Variants in ERLEC1 observed in about 807,000 individuals in gnomAD.
The protein encoded by ERLEC1 is ER lectin.
In ERLEC1, 47 loss-of-function variants were observed where a neutral mutation model predicts 68.0. The ratio of observed to expected loss-of-function variants is 0.69; its 90% CI spans 0.55 to 0.88. ERLEC1 has a LOEUF of 0.88. ERLEC1 is among the 40% of genes least tolerant of loss of function. The pLI is 0.00. For synonymous variants in ERLEC1, 225 were observed against 203.2 expected (o/e 1.11, Z -0.91); for missense variants, 567 against 583.8 (o/e 0.97, Z 0.30).
intron 3 of ERLEC1, among the ~76,000 whole-genome samples, chr2:53,796,246 G>GTT (rs200295316): frequency 5.5e-5 from 7 of 126,462 alleles, no homozygotes; most frequent in South Asian, 2.5e-4. Context: ...TGATGGGTTG[G>GTT]TTTTTTTTTT....
In ERLEC1 at chr2:53,818,577, G is replaced by T. The variant is rs1261860011; in HGVS notation, c.*608G>T. 1 of 152,214 alleles carries T rather than the reference G, an allele frequency of 6.6e-6. No homozygotes were observed. Among genetic ancestry groups the T allele is most frequent in the Non-Finnish European group, 1.5e-5 (1 of 68,018 alleles). 9.4% of individuals were successfully genotyped at this position (152,214 alleles called of 1,614,324 possible). On this transcript the variant is annotated 3_prime_UTR_variant, in exon 14 of 14. Coordinates refer to ENST00000185150, the MANE Select transcript of ERLEC1 (RefSeq NM_015701.5). Reference sequence around the variant, plus strand: ...TTTATAATAGGTTGCTTCTCTCTCAGAACTTTTATCTATTACTTTTTTCTT... The same window carrying T: ...TTTATAATAGGTTGCTTCTCTCTCATAACTTTTATCTATTACTTTTTTCTT...
chr2:53,805,671 G>C (rs960195846), intron 8 of ERLEC1, among the ~76,000 whole-genome samples: 2 of 152,156 alleles, frequency 1.3e-5, no homozygotes, highest in African/African-American at 4.8e-5. Flanking sequence ...CCCAGCAGTG[G>C]GATTGCTGGA....
chr2:53,810,120 T>G (rs1195149652), intron 10 of ERLEC1, among the ~76,000 whole-genome samples: 1 of 152,022 alleles, frequency 6.6e-6, no homozygotes, highest in Non-Finnish European at 1.5e-5. Context: ...AGATCATACA[T>G]TATCACTAGG....
At chr2:53,791,085 A>G (rs1286334241) in intron 1 of ERLEC1, among the ~76,000 whole-genome samples, 1 of 152,232 alleles carries the variant, frequency 6.6e-6, no homozygotes, top group Non-Finnish European at 1.5e-5. Flanking sequence ...GACAGGTTCT[A>G]CCAACAAGTG....
chr2:53,796,538 C>T (rs181818112), intron 3 of ERLEC1, among the ~76,000 whole-genome samples: 1 of 152,128 alleles, frequency 6.6e-6, no homozygotes, highest in Non-Finnish European at 1.5e-5. Context: ...CGATTCACTG[C>T]AGCCCCAACG....
intron 5 of ERLEC1, 139 bp from the exon 6 acceptor site, chr2:53,798,908 A>G (rs896727170): frequency 3.7e-6 from 2 of 542,760 alleles, no homozygotes; most frequent in African/African-American, 1.9e-5. Flanking sequence ...AACTAGCTTT[A>G]AAGTAGTAAG....
chr2:53,812,221 T>G (rs1676628267), intron 10 of ERLEC1, among the ~76,000 whole-genome samples: 1 of 151,354 alleles, frequency 6.6e-6, no homozygotes, highest in Non-Finnish European at 1.5e-5. Flanking sequence ...CAGCCAGGGG[T>G]TTTTAATTCT....
At chr2:53,812,865 C>CTT (rs1028312491) in intron 10 of ERLEC1, 84 bp from the exon 11 acceptor site, 8 of 1,438,438 alleles carry the variant, frequency 5.6e-6, no homozygotes, top group Non-Finnish European at 6.6e-6. Flanking sequence ...TAAAGACTAG[C>CTT]TTACAAGAAG....
intron 1 of ERLEC1, among the ~76,000 whole-genome samples, chr2:53,789,880 A>G (rs76355266): frequency 0.057 from 8,643 of 151,608 alleles, 468 homozygotes; most frequent in East Asian, 0.29. Context: ...TTAGCCGGGC[A>G]TGGTGGCACA....
chr2:53,797,924 C>T (rs758004273), intron 5 of ERLEC1, 129 bp downstream of exon 5: 25 of 803,596 alleles, frequency 3.1e-5, no homozygotes, highest in African/African-American at 1.4e-4. Flanking sequence ...AGGCTGGGCG[C>T]GGTGGCTGAC....
At chr2:53,795,883 G>T in intron 2 of ERLEC1, 50 bp from the exon 3 acceptor site, 1 of 1,240,494 alleles carries the variant, frequency 8.1e-7, no homozygotes, top group South Asian at 1.3e-5. Context: ...CAGCAAAGTT[G>T]GGTGAAATTC....
At chr2:53,814,401 T>G in intron 11 of ERLEC1, 142 bp from the exon 12 acceptor site, 1 of 517,124 alleles carries the variant, frequency 1.9e-6, no homozygotes, top group Non-Finnish European at 3.4e-6. Flanking sequence ...TAAAAATATT[T>G]TTTTAAAGAA....
chr2:53,811,931 G>T (rs1676610159), intron 10 of ERLEC1, among the ~76,000 whole-genome samples: 2 of 151,994 alleles, frequency 1.3e-5, no homozygotes, highest in Admixed American at 6.6e-5. Context: ...GTTTTGTTTT[G>T]TTTGAGACAG....
At position 53,814,953 on chromosome 2, in the gene ERLEC1, TA is replaced by T; in HGVS notation, c.1380+20del. On this transcript the variant is annotated intron_variant, in intron 13 of 13. Transcript: ENST00000185150. ...TTCTTGGGGTAAGTTAAAAAGAAAA[TA>T]ATCAAAAATTCCATTTTGAGCCATG... 7.6e-7 allele frequency: 1 copy of T among 1,321,394 alleles called. No individual in the cohort carries two copies. Among genetic ancestry groups the T allele is most frequent in the East Asian group, 2.4e-5 (1 of 41,246 alleles). 81.9% of individuals were successfully genotyped at this position (1,321,394 alleles called of 1,614,324 possible).
In ERLEC1 at chr2:53,797,593, G is replaced by T; in HGVS notation, c.426+1G>T. 3 of 1,608,936 alleles carry T rather than the reference G, an allele frequency of 1.9e-6. No homozygotes were observed. Among genetic ancestry groups the T allele is most frequent in the South Asian group, 1.1e-5 (1 of 89,400 alleles). On this transcript the variant is annotated splice_donor_variant, in intron 4 of 13. Coordinates refer to ENST00000185150, the MANE Select transcript of ERLEC1 (RefSeq NM_015701.5). LOFTEE classifies it high-confidence loss of function. The stretch of plus-strand genomic sequence containing the variant: ...CCATGAAGAGAAAGAAACTGGTCAG[G>T]TGTGTTTTTCTTCAAAATATTATTA...
At chr2:53,799,355 G>A (rs1189453797) in intron 6 of ERLEC1, among the ~76,000 whole-genome samples, 1 of 152,134 alleles carries the variant, frequency 6.6e-6, no homozygotes, top group Non-Finnish European at 1.5e-5. Context: ...TCACTTACGT[G>A]CTTAGCAGTG....
At position 53,794,401 on chromosome 2, in the gene ERLEC1, TAAAGA is replaced by T. The variant is rs748700212; in HGVS notation, c.223_227del (p.Glu75IlefsTer2). On this transcript the variant is annotated frameshift_variant, in exon 2 of 14. Coordinates refer to ENST00000185150, the MANE Select transcript of ERLEC1 (RefSeq NM_015701.5). LOFTEE classifies it high-confidence loss of function. ...ATTATGTCATCATGACAACTGCACA[TAAAGA>T]AAAATATAAATGCATACTTCCCCTT... 8 of 1,589,956 alleles carry T rather than the reference TAAAGA, an allele frequency of 5.0e-6. No homozygotes were observed. The highest frequency in any genetic ancestry group is 6.9e-6 in the Non-Finnish European group (8 of 1,166,368).
At position 53,808,461 on chromosome 2, in the gene ERLEC1, G is replaced by T; in HGVS notation, c.1041+1G>T. 6.2e-6 allele frequency: 10 copies of T among 1,613,142 alleles called. No homozygotes were observed. Among genetic ancestry groups the T allele is most frequent in the Non-Finnish European group, 8.5e-6 (10 of 1,179,920 alleles). ...TAGTGGTTCTTACTGCTTTCGTGGG[G>T]TGAGAAGTAAATCTTCAGTTTAAAT... On this transcript the variant is annotated splice_donor_variant, in intron 9 of 13. Transcript: ENST00000185150. LOFTEE classifies it high-confidence loss of function.
At chr2:53,793,732 A>G (rs1311958565) in intron 1 of ERLEC1, among the ~76,000 whole-genome samples, 1 of 152,048 alleles carries the variant, frequency 6.6e-6, no homozygotes, top group Non-Finnish European at 1.5e-5. Flanking sequence ...TTTAACTTCA[A>G]TCTGTTGCAT....
Sources: gnomAD v4.1 joint callset for allele counts (sites outside exome capture counted in the v4.1 genomes callset) on GRCh38, gnomAD v4.1.1 for gene constraint, MANE v1.5 for transcripts, NCBI Gene and HGNC (gene_info 2026-07-23, HGNC 2026-07-21) for gene names.